Variants in LPAR3 observed in about 807,000 individuals in gnomAD.
LPAR3 encodes the protein lysophosphatidic acid receptor 3, also known as LPA receptor 3.
In LPAR3, 7 loss-of-function variants were observed where a neutral mutation model predicts 17.8. The observed-to-expected ratio is 0.39, with a 90% CI of 0.22 to 0.74. LPAR3 has a LOEUF of 0.74. Among genes scored for constraint, LPAR3 ranks in the 30% least tolerant of loss-of-function variants. The pLI is 0.40. For missense variants in LPAR3, 391 were observed against 453.4 expected (o/e 0.86, Z 1.25); for synonymous variants, 179 against 179.9 (o/e 0.99, Z 0.04).
At chr1:84,889,010 G>A (rs1459813435) in intron 1 of LPAR3, among the ~76,000 whole-genome samples, 2 of 152,140 alleles carry the variant, frequency 1.3e-5, no homozygotes, top group Non-Finnish European at 2.9e-5. Flanking sequence ...CTGAAGAGGG[G>A]TGACAGAATC....
At chr1:84,880,267 A>T (rs1008801816) in intron 1 of LPAR3, among the ~76,000 whole-genome samples, 2 of 152,134 alleles carry the variant, frequency 1.3e-5, no homozygotes, top group Non-Finnish European at 2.9e-5. Flanking sequence ...CCAGAACATG[A>T]GCTTGTTTTG....
rs1316895098 is a variant in LPAR3, at chr1:84,814,041, G to A, written c.867C>T (p.Asn289=). 6.2e-7 allele frequency: 1 copy of A among 1,614,112 alleles called. No individual in the cohort carries two copies. The highest frequency in any genetic ancestry group is 1.1e-5 in the South Asian group (1 of 91,074). ...CGTCCTTGTAGGAGTAGATGATGGGGTTCACGACGGAGTTGAGCAGCGCCA... is the reference window on the plus strand; with the variant it reads ...CGTCCTTGTAGGAGTAGATGATGGGATTCACGACGGAGTTGAGCAGCGCCA... ...LLLALLNSVV[N]PIIYSYKDED... is the part of the protein sequence containing the mutation. Residue 289 remains asparagine (N), a synonymous_variant, in exon 3 of 3, where the codon AAC becomes AAT. Transcript: ENST00000370611.
At position 84,880,642 on chromosome 1, in the gene LPAR3, T is replaced by A. The variant is rs948945847; in HGVS notation, c.-19+12374A>T. On this transcript the variant is annotated intron_variant, in intron 1 of 2. Coordinates refer to ENST00000370611, the MANE Select transcript of LPAR3 (RefSeq NM_012152.3). ...AGCATGCAAGCTGGAAAATAAGTCA[T>A]GCTTAAGAGCTTGACCCAGAGTGGG... Among the ~76,000 whole-genome samples, 65 of 152,182 alleles carry A rather than the reference T, an allele frequency of 4.3e-4. 1 individual carries two copies. The highest frequency in any genetic ancestry group is 1.3e-4 in the Non-Finnish European group (9 of 68,036).
rs1223682081 is a variant in LPAR3 at position 84,813,743 on chromosome 1, G to A, written c.*103C>T. On this transcript the variant is annotated 3_prime_UTR_variant, in exon 3 of 3. Transcript: ENST00000370611. ...AAGAAATCTAGCAGTGATTAATGGA[G>A]ACCTCAAATAACACTGTACATGGGC... 4.3e-6 allele frequency: 4 copies of A among 931,620 alleles called. No homozygotes were observed. The highest frequency in any genetic ancestry group is 2.3e-4 in the Middle Eastern group (1 of 4,268). 57.7% of individuals were successfully genotyped at this position (931,620 alleles called of 1,614,324 possible). A position where few individuals can be genotyped will look rare whatever the true frequency, so the allele number is the denominator to read the frequency against.
intron 2 of LPAR3, among the ~76,000 whole-genome samples, chr1:84,860,413 C>A (rs1403000156): frequency 6.6e-6 from 1 of 152,194 alleles, no homozygotes; most frequent in African/African-American, 2.4e-5. Flanking sequence ...TCTGTGGGGC[C>A]TTCCTCATGG....
intron 2 of LPAR3, among the ~76,000 whole-genome samples, chr1:84,845,086 A>G (rs1315193300): frequency 3.3e-5 from 5 of 152,250 alleles, no homozygotes; most frequent in Non-Finnish European, 7.3e-5. Context: ...CAATGTTCAC[A>G]TTAACAAATC....
chr1:84,856,606 T>A (rs1659834485), intron 2 of LPAR3, among the ~76,000 whole-genome samples: 1 of 152,134 alleles, frequency 6.6e-6, no homozygotes, highest in South Asian at 2.1e-4. Context: ...ATGAAGCTTA[T>A]GAATAATACC....
rs113567422 is a variant in LPAR3 at position 84,873,901 on chromosome 1, C to T, written c.-18-7763G>A. On this transcript the variant is annotated intron_variant, in intron 1 of 2. Coordinates refer to ENST00000370611, the MANE Select transcript of LPAR3 (RefSeq NM_012152.3). ...TGGAGTAGCTGGCATTACAGGCGCC[C>T]GCCACCATGCTCAGCTAATTCTTGT... Among the ~76,000 whole-genome samples, 13 of 152,078 alleles carry T rather than the reference C, an allele frequency of 8.5e-5. 1 individual carries two copies. The highest frequency in any genetic ancestry group is 6.8e-3 in the Middle Eastern group (2 of 292).
chr1:84,885,787 A>G (rs1028579304), intron 1 of LPAR3, among the ~76,000 whole-genome samples: 11 of 152,204 alleles, frequency 7.2e-5, no homozygotes, highest in African/African-American at 2.7e-4. Flanking sequence ...TGACCTTCAC[A>G]TTTGTAAGAC....
intron 1 of LPAR3, among the ~76,000 whole-genome samples, chr1:84,892,099 G>C (rs1660562980): frequency 6.6e-6 from 1 of 151,872 alleles, no homozygotes; most frequent in Non-Finnish European, 1.5e-5. Context: ...TGCAATCCCA[G>C]CTACTAGGGA....
At chr1:84,877,177 G>A (rs1302231929) in intron 1 of LPAR3, among the ~76,000 whole-genome samples, 1 of 152,200 alleles carries the variant, frequency 6.6e-6, no homozygotes, top group Non-Finnish European at 1.5e-5. Flanking sequence ...TTCTTATGAT[G>A]TCTGGCAAGG....
intron 2 of LPAR3, among the ~76,000 whole-genome samples, chr1:84,835,859 T>C (rs1659392883): frequency 6.6e-6 from 1 of 152,152 alleles, no homozygotes. Context: ...TGTCCAATTA[T>C]CAAAGGCCTT....
At position 84,814,167 on chromosome 1, in the gene LPAR3, C is replaced by T. The variant is rs149811676; in HGVS notation, c.741G>A (p.Ala247=). ...GGCCCGGGGTCCAGCATACCACAAA[C>T]GCCCCTGCAAGGAGAGAAGAGGAGG... The part of the protein sequence containing the change: ...LMKTVMTVLG[A]FVVCWTPGLV... Residue 247 remains alanine, a synonymous_variant, in exon 3 of 3, where the codon GCG becomes GCA. Coordinates refer to ENST00000370611, the MANE Select transcript of LPAR3 (RefSeq NM_012152.3). The T allele has an allele frequency of 5.1e-5, 83 of 1,613,268 alleles. No individual in the cohort carries two copies. Among genetic ancestry groups the T allele is most frequent in the African/African-American group, 6.7e-5 (5 of 74,896 alleles).
At chr1:84,879,689 C>T (rs1660327298) in intron 1 of LPAR3, among the ~76,000 whole-genome samples, 1 of 152,288 alleles carries the variant, frequency 6.6e-6, no homozygotes, top group South Asian at 2.1e-4. Flanking sequence ...GTTTTCCAGC[C>T]TCCTGGTACC....
intron 2 of LPAR3, among the ~76,000 whole-genome samples, chr1:84,819,099 A>G (rs1658999489): frequency 6.6e-6 from 1 of 152,204 alleles, no homozygotes; most frequent in Non-Finnish European, 1.5e-5. Flanking sequence ...CCTTCCCGTC[A>G]GCATAAGGAC....
rs201599245 is a variant in LPAR3 at position 84,865,423 on chromosome 1, G to A, written c.698C>T (p.Thr233Ile). ...HTSGSISRRR[T>I]PMKLMKTVMT... ...CACCGTCTTCATTAGCTTCATGGGT[G>A]TCCTCCGGCGGCTGATGGACCCACT... The change falls in exon 2 of 3, where the codon ACA (threonine) becomes ATA (isoleucine). Residue 233 changes from threonine (T) to isoleucine (I), a missense_variant. By Grantham distance (89) the Thr-to-Ile change is moderately conservative (BLOSUM62 -1). Coordinates refer to ENST00000370611, the MANE Select transcript of LPAR3 (RefSeq NM_012152.3). The A allele has an allele frequency of 6.2e-6, 10 of 1,614,018 alleles. No homozygotes were observed. The highest frequency in any genetic ancestry group is 2.2e-5 in the East Asian group (1 of 44,878).
intron 1 of LPAR3, among the ~76,000 whole-genome samples, chr1:84,880,846 C>T (rs902833294): frequency 1.3e-5 from 2 of 152,232 alleles, no homozygotes. Context: ...GAAGGAAGGA[C>T]TTCCCAGGGG....
chr1:84,835,721 T>C (rs1236289897), intron 2 of LPAR3, among the ~76,000 whole-genome samples: 1 of 152,180 alleles, frequency 6.6e-6, no homozygotes, highest in Non-Finnish European at 1.5e-5. Context: ...TGGCACTCCT[T>C]GAGATTCTTG....
In LPAR3 at chr1:84,891,160, T is replaced by TAA. The variant is rs546045989; in HGVS notation, c.-19+1854_-19+1855dup. Among the ~76,000 whole-genome samples, 54 of 144,624 alleles carry TAA rather than the reference T, an allele frequency of 3.7e-4. 2 individuals are homozygous for TAA. The highest frequency in any genetic ancestry group is 1.2e-3 in the African/African-American group (46 of 39,590). 94.9% of individuals were successfully genotyped at this position (144,624 alleles called of 152,430 possible). ...GATATCTAAAATAGGTCTGATCTGA[T>TAA]AAAAAAAAAAAGAGTGGTAGTTGAT... On this transcript the variant is annotated intron_variant, in intron 1 of 2. Coordinates refer to ENST00000370611, the MANE Select transcript of LPAR3 (RefSeq NM_012152.3).
Sources: gnomAD v4.1 joint callset for allele counts (sites outside exome capture counted in the v4.1 genomes callset) on GRCh38, gnomAD v4.1.1 for gene constraint, MANE v1.5 for transcripts, NCBI Gene and HGNC (gene_info 2026-07-23, HGNC 2026-07-21) for gene names.